Variants in ADAP1 observed in about 807,000 individuals in gnomAD.
ADAP1 encodes the protein arf-GAP with dual PH domain-containing protein 1.
ADAP1 carries 31 observed loss-of-function variants against 54.9 expected under a neutral mutation model. The observed-to-expected ratio is 0.56, with a 90% confidence interval of 0.42 to 0.76. The LOEUF is 0.76. ADAP1 is among the 30% of genes least tolerant of loss of function. ADAP1 has a pLI of 0.00. For missense variants in ADAP1, 535 were observed against 512.4 expected, an observed-to-expected ratio of 1.04 and a Z score of -0.42; for synonymous variants, 313 against 202.6, an observed-to-expected ratio of 1.55 and a Z score of -4.63.
chr7:901,201 T>C (rs1033335966), intron 6 of ADAP1: 2 of 359,634 alleles, frequency 5.6e-6, no homozygotes, highest in Admixed American at 7.4e-5. Context: ...AGCCCAGGCC[T>C]GGCACCCAGC....
chr7:940,573 G>GC (rs1268510191), intron 1 of ADAP1, among the ~76,000 whole-genome samples: 3 of 152,134 alleles, frequency 2.0e-5, no homozygotes, highest in African/African-American at 7.2e-5. Context: ...AGGATACAGA[G>GC]CAAGTGGAAC....
rs532665221 is a variant in ADAP1 at position 946,365 on chromosome 7, C to T, written c.82+8031G>A. Among the ~76,000 whole-genome samples the T allele has an allele frequency of 3.9e-5, 6 of 152,152 alleles. No homozygotes were observed. Among genetic ancestry groups the T allele is most frequent in the East Asian group, 1.9e-4 (1 of 5,160 alleles). Reference sequence around the variant, plus strand: ...CCAGGCCCCCACCCCCTCACGCTCACGGGCGGCCCTGGTCCCATTCCATTG... The same window carrying T: ...CCAGGCCCCCACCCCCTCACGCTCATGGGCGGCCCTGGTCCCATTCCATTG... On this transcript the variant is annotated intron_variant, in intron 1 of 10. Transcript: ENST00000265846. The surrounding 1 kb of genome is among the most constrained non-coding windows in gnomAD (Gnocchi z 4.3).
Position 905,091 on chromosome 7 carries a change from T to G in ADAP1, c.470A>C (p.Glu157Ala). Residue 157 changes from glutamate to alanine, a missense_variant, in exon 5 of 11, where the codon GAG becomes GCG. Physicochemically the swap from Glu to Ala is moderately radical, Grantham distance 107 (BLOSUM62 -1). Coordinates refer to ENST00000265846, the MANE Select transcript of ADAP1 (RefSeq NM_006869.4). The stretch of plus-strand genomic sequence containing the variant: ...TCTGTTGAAATACTTCAGAGCACCC[T>G]CTCGTTCTGTCAGCACAAACTTCCG... ...LSRKFVLTEREGALKYFNRND... is the reference protein window; with the variant it reads ...LSRKFVLTERAGALKYFNRND... 6.2e-7 allele frequency: 1 copy of G among 1,612,186 alleles called. No individual in the cohort carries two copies. Among genetic ancestry groups the G allele is most frequent in the Non-Finnish European group, 8.5e-7 (1 of 1,179,880 alleles).
At chr7:955,235 C>A (rs1847357322), upstream of ADAP1, 3 of 1,502,204 alleles carry the variant, frequency 2.0e-6, no homozygotes, top group Admixed American at 2.0e-5. Flanking sequence ...GCTGAGGGGC[C>A]CCGCCGGGAC....
Position 898,776 on chromosome 7 carries a change from A to C in ADAP1, c.*145T>G. On this transcript the variant is annotated 3_prime_UTR_variant, in exon 11 of 11. Transcript: ENST00000265846. ...TCCAGAGAAGCATCCTGGAAGCTGA[A>C]GCTCGGGCCCTACCTGGCCGCGCCG... 1 of 1,080,338 alleles carries C rather than the reference A, an allele frequency of 9.3e-7. No individual in the cohort carries two copies. The highest frequency in any genetic ancestry group is 1.3e-6 in the Non-Finnish European group (1 of 745,994). The allele number at this position is 1,080,338 out of a possible 1,614,324, so 66.9% of individuals were successfully genotyped here. A position where few individuals can be genotyped will look rare whatever the true frequency, so the allele number is the denominator to read the frequency against.
intron 1 of ADAP1, among the ~76,000 whole-genome samples, chr7:947,529 C>G (rs921425549): frequency 3.3e-5 from 5 of 151,914 alleles, no homozygotes; most frequent in Admixed American, 2.6e-4. Context: ...GGACACTGCT[C>G]CCACGTCCCC....
In ADAP1 at chr7:920,774, C is replaced by T. The variant is rs958948310; in HGVS notation, c.306-724G>A. 21 of 1,548,962 alleles carry T rather than the reference C, an allele frequency of 1.4e-5. No homozygotes were observed. Among genetic ancestry groups the T allele is most frequent in the African/African-American group, 1.2e-4 (9 of 73,122 alleles). On this transcript the variant is annotated intron_variant, in intron 3 of 10. Coordinates refer to ENST00000265846, the MANE Select transcript of ADAP1 (RefSeq NM_006869.4). The surrounding 1 kb of genome is among the most constrained non-coding windows in gnomAD (Gnocchi z 4.5). ...CACCCACCACGGCCTCCCCATCCAC[C>T]GTGACTCACTCGAGTGAAGCCAATA...
chr7:922,733 G>A (rs544940624), intron 3 of ADAP1, among the ~76,000 whole-genome samples: 1 of 152,168 alleles, frequency 6.6e-6, no homozygotes, highest in South Asian at 2.1e-4. Flanking sequence ...TCTACGTGGT[G>A]GACCAGTGGC....
chr7:918,387 TTC>T (rs544536691), intron 4 of ADAP1, among the ~76,000 whole-genome samples: 72 of 152,274 alleles, frequency 4.7e-4, no homozygotes, highest in Non-Finnish European at 9.1e-4. Flanking sequence ...AGCTAATTTT[TTC>T]TTTTTTTTAA....
chr7:903,585 A>C (rs56824969), intron 6 of ADAP1, among the ~76,000 whole-genome samples: 9,958 of 152,196 alleles, frequency 0.065, 361 homozygotes, highest in Middle Eastern at 0.085. Context: ...GCCTGGCCCA[A>C]AGACAAAAGG....
At chr7:901,142 T>TC (rs776508308) in intron 6 of ADAP1, 31 of 415,382 alleles carry the variant, frequency 7.5e-5, no homozygotes, top group Non-Finnish European at 1.3e-4. Flanking sequence ...GCCGCCCTGG[T>TC]CCTCTGGAGA....
chr7:935,246 A>C, intron 2 of ADAP1, 129 bp downstream of exon 2: 1 of 1,339,236 alleles, frequency 7.5e-7, no homozygotes, highest in East Asian at 2.5e-5. Context: ...GGGTCCAGCC[A>C]GCCAGGCCCC....
chr7:947,466 G>A (rs1583189972), intron 1 of ADAP1, among the ~76,000 whole-genome samples: 3 of 151,944 alleles, frequency 2.0e-5, no homozygotes, highest in South Asian at 4.1e-4. Flanking sequence ...TCCCCTTGGC[G>A]GCCACCGTGG....
Position 899,249 on chromosome 7 carries a change from G to A in ADAP1, c.880C>T (p.Arg294Ter), listed in dbSNP as rs747367972. ...TTGCTGCCAATGAAGACTTCCCCTC[G>A]GGCGAAGGCGTCCTGTGGGTGGGGA... ...YFKDPLDAFA[R>*]GEVFIGSKES... The change falls in exon 10 of 11, where the codon CGA becomes TGA. Residue 294 changes from arginine (R) to a stop codon, truncating the protein, a stop_gained. Transcript: ENST00000265846. LOFTEE classifies it high-confidence loss of function. The A allele has an allele frequency of 4.3e-6, 7 of 1,612,718 alleles. No individual in the cohort carries two copies. The highest frequency in any genetic ancestry group is 5.9e-6 in the Non-Finnish European group (7 of 1,179,934).
At chr7:916,736 G>T (rs943683781) in intron 4 of ADAP1, among the ~76,000 whole-genome samples, 1 of 152,174 alleles carries the variant, frequency 6.6e-6, no homozygotes, top group Non-Finnish European at 1.5e-5. Flanking sequence ...GCACAGGCTG[G>T]CTGTGTGCCA....
intron 4 of ADAP1, among the ~76,000 whole-genome samples, chr7:913,259 G>A (rs898453118): frequency 2.8e-5 from 4 of 144,228 alleles, no homozygotes; most frequent in African/African-American, 1.1e-4. Context: ...GGAGTTTAGT[G>A]GCGTGATCTC....
chr7:912,734 G>A (rs1357689488), intron 4 of ADAP1, among the ~76,000 whole-genome samples: 2 of 152,146 alleles, frequency 1.3e-5, no homozygotes, highest in Non-Finnish European at 2.9e-5. Flanking sequence ...ACGGAATCTC[G>A]CTGTTGCCCA....
chr7:917,925 C>G (rs1846001702), intron 4 of ADAP1, among the ~76,000 whole-genome samples: 1 of 152,142 alleles, frequency 6.6e-6, no homozygotes, highest in Non-Finnish European at 1.5e-5. Flanking sequence ...TGTGCGCCAA[C>G]CACGCCCAGC....
At chr7:927,463 G>A (rs568597454) in intron 2 of ADAP1, 2 of 473,640 alleles carry the variant, frequency 4.2e-6, no homozygotes, top group East Asian at 7.0e-5. Context: ...CAAGGCAGCT[G>A]CTGTTTGCAC....
Sources: allele counts gnomAD v4.1 joint callset (sites outside exome capture counted in the v4.1 genomes callset), GRCh38; gene constraint gnomAD v4.1.1; non-coding constraint Gnocchi (gnomAD v3.1); transcripts MANE v1.5; gene names NCBI Gene and HGNC (gene_info 2026-07-23, HGNC 2026-07-21).